The following PINK1 variants were observed in gnomAD, a reference collection of about 807,000 sequenced individuals.
The protein encoded by PINK1 is PTEN induced kinase 1.
In PINK1, 58 loss-of-function variants were observed where a neutral mutation model predicts 56.0. The ratio of observed to expected loss-of-function variants is 1.04; its 90% CI spans 0.84 to 1.29. The LOEUF is 1.29. Among genes scored for constraint, PINK1 ranks in the 50% most tolerant of loss-of-function variants. The pLI, the probability that PINK1 is intolerant of heterozygous loss-of-function variation, is 0.00. For synonymous variants in PINK1, 354 were observed against 339.3 expected, an observed-to-expected ratio of 1.04 and a Z score of -0.48; for missense variants, 745 against 777.9, an observed-to-expected ratio of 0.96 and a Z score of 0.50.
chr1:20,638,795 A>G (rs2053083653), intron 2 of PINK1: 1 of 154,256 alleles, frequency 6.5e-6, no homozygotes, highest in Non-Finnish European at 1.4e-5. Context: ...TGCCTAAACC[A>G]CTGATTTCTA....
chr1:20,650,260 C>T (rs1465806179), intron 7 of PINK1, 174 bp from the exon 8 acceptor site: 1 of 814,774 alleles, frequency 1.2e-6, no homozygotes, highest in Non-Finnish European at 2.0e-6. Context: ...AAGCTTGGAG[C>T]ACGGGCAGGG....
At chr1:20,644,875 A>G (rs904329400) in intron 4 of PINK1, among the ~76,000 whole-genome samples, 1 of 152,202 alleles carries the variant, frequency 6.6e-6, no homozygotes, top group African/African-American at 2.4e-5. Flanking sequence ...ACAAACTCTC[A>G]TCTTCATCCA....
intron 6 of PINK1, 117 bp downstream of exon 6, chr1:20,648,749 T>A: frequency 6.6e-7 from 1 of 1,520,270 alleles, no homozygotes; most frequent in African/African-American, 1.4e-5. Context: ...ACCCATAATT[T>A]GGCACAAGTT....
chr1:20,640,067 A>C (rs745945148), intron 3 of PINK1, 75 bp downstream of exon 3: 1 of 1,209,526 alleles, frequency 8.3e-7, no homozygotes, highest in Non-Finnish European at 1.2e-6. Context: ...TGTCCTCAGC[A>C]CCTGGTACAG....
intron 3 of PINK1, 64 bp from the exon 4 acceptor site, chr1:20,644,421 CTTAGG>C: frequency 1.3e-6 from 2 of 1,509,804 alleles, no homozygotes; most frequent in South Asian, 1.1e-5. Flanking sequence ...TTGGTGTGGC[CTTAGG>C]TTATTCTTTC....
At chr1:20,649,724 C>T (rs2053240757) in intron 7 of PINK1, 1 of 159,716 alleles carries the variant, frequency 6.3e-6, no homozygotes, top group Non-Finnish European at 1.3e-5. Context: ...AAGATCGCGC[C>T]ACTGCACTCT....
At position 20,648,998 on chromosome 1, in the gene PINK1, T is replaced by C. The variant is rs1553146849; in HGVS notation, c.1255T>C (p.Ser419Pro). Reference protein sequence around the residue: ...GNGCLMAPEVSTARPGPRAVI... With the variant: ...GNGCLMAPEVPTARPGPRAVI... ...CTCACCCACTGCTTCTGAGCAGGTG[T>C]CCACGGCCCGTCCTGGCCCCAGGGC... The change falls in exon 7 of 8, where the codon TCC becomes CCC. Residue 419 changes from serine to proline, a missense_variant. Transcript: ENST00000321556. 1 of 1,612,978 alleles carries C rather than the reference T, an allele frequency of 6.2e-7. No homozygotes were observed. The highest frequency in any genetic ancestry group is 1.1e-5 in the South Asian group (1 of 91,022).
rs1262478369 is a variant in PINK1, at chr1:20,633,519, G to C, written c.-30G>C. 19 of 1,131,272 alleles carry C rather than the reference G, an allele frequency of 1.7e-5. No individual in the cohort carries two copies. The highest frequency in any genetic ancestry group is 2.1e-5 in the Non-Finnish European group (19 of 924,374). 70.1% of individuals were successfully genotyped at this position (1,131,272 alleles called of 1,614,324 possible). ...GACGCCGGTGGTGGCGGCAGCGGCG[G>C]CTGCGGGGGCACCGGGCCGCGGCGC... On this transcript the variant is annotated 5_prime_UTR_variant, in exon 1 of 8. Coordinates refer to ENST00000321556, the MANE Select transcript of PINK1 (RefSeq NM_032409.3).
Position 20,649,114 on chromosome 1 carries a change from C to T in PINK1, c.1371C>T (p.Gly457=). 2 of 1,614,254 alleles carry T rather than the reference C, an allele frequency of 1.2e-6. No homozygotes were observed. The highest frequency in any genetic ancestry group is 8.5e-7 in the Non-Finnish European group (1 of 1,180,036). Residue 457 remains glycine (G), a synonymous_variant, in exon 7 of 8, where the codon GGC becomes GGT. Transcript: ENST00000321556. ...TTGTCAATCCCTTCTACGGCCAGGGCAAGGCCCACCTTGAAAGCCGCAGCT... is the reference window on the plus strand; with the variant it reads ...TTGTCAATCCCTTCTACGGCCAGGGTAAGGCCCACCTTGAAAGCCGCAGCT... ...FGLVNPFYGQ[G]KAHLESRSYQ...
intron 7 of PINK1, chr1:20,650,041 C>A (rs1420437528): frequency 1.5e-5 from 5 of 328,900 alleles, no homozygotes; most frequent in Non-Finnish European, 3.0e-5. Context: ...TCTGCCACTC[C>A]GTTAACTGCT....
intron 7 of PINK1, chr1:20,650,139 C>T (rs1428061555): frequency 4.2e-6 from 2 of 477,886 alleles, no homozygotes; most frequent in South Asian, 2.1e-5. Context: ...AGACTACTTA[C>T]CTGGTTCAAG....
In PINK1 at chr1:20,648,874, C is replaced by T. The variant is rs546485339; in HGVS notation, c.1252-121C>T. Reference sequence around the variant, plus strand: ...CCCCTTCTGGGTCTGAGCCACAGCTCACTCAAGCTCTGGGTTCCTTGGGAC... The same window carrying T: ...CCCCTTCTGGGTCTGAGCCACAGCTTACTCAAGCTCTGGGTTCCTTGGGAC... On this transcript the variant is annotated intron_variant, in intron 6 of 7. Transcript: ENST00000321556. 7 of 1,291,882 alleles carry T rather than the reference C, an allele frequency of 5.4e-6. No individual in the cohort carries two copies. In the African/African-American group the frequency reaches 7.3e-5, roughly 13 times the overall value. The allele number at this position is 1,291,882 out of a possible 1,614,324, so 80.0% of individuals were successfully genotyped here.
rs2298296 is a variant in PINK1 at position 20,637,749 on chromosome 1, C to T, written c.388-93C>T. The stretch of plus-strand genomic sequence containing the variant: ...TTATTGATCTGGTCGACGTGGACCA[C>T]GCCTTGCTGCACCTCTCTCTGCCTC... On this transcript the variant is annotated intron_variant, in intron 1 of 7. Transcript: ENST00000321556. The T allele has an allele frequency of 7.4e-3, 10,767 of 1,445,936 alleles. 273 individuals are homozygous for T. Among genetic ancestry groups the T allele is most frequent in the African/African-American group, 0.05 (3,573 of 71,654 alleles). 89.6% of individuals were successfully genotyped at this position (1,445,936 alleles called of 1,614,324 possible).
At position 20,650,517 on chromosome 1, in the gene PINK1, A is replaced by G. The variant is rs1570409308; in HGVS notation, c.1572A>G (p.Leu524=). 1.2e-5 allele frequency: 20 copies of G among 1,614,098 alleles called. No homozygotes were observed. Among genetic ancestry groups the G allele is most frequent in the Non-Finnish European group, 1.7e-5 (20 of 1,180,050 alleles). Residue 524 remains leucine (L), a synonymous_variant, in exon 8 of 8, where the codon TTA becomes TTG. Coordinates refer to ENST00000321556, the MANE Select transcript of PINK1 (RefSeq NM_032409.3). ...TTCTAGCCCTGAAGAATCTGAAGTT[A>G]GACAAGATGGTTGGCTGGCTCCTCC... ...EHILALKNLK[L]DKMVGWLLQQ...
Position 20,650,424 on chromosome 1 carries a change from C to G in PINK1, c.1489-10C>G, listed in dbSNP as rs753034026. On this transcript the variant is annotated splice_polypyrimidine_tract_variant and intron_variant, in intron 7 of 7. Coordinates refer to ENST00000321556, the MANE Select transcript of PINK1 (RefSeq NM_032409.3). The stretch of plus-strand genomic sequence containing the variant: ...AGATGTTCTAGCTACAGCTTCCCTT[C>G]CTGTTGCAGAGACCATCTGCCCGAG... 6 of 1,613,656 alleles carry G rather than the reference C, an allele frequency of 3.7e-6. No homozygotes were observed. The highest frequency in any genetic ancestry group is 5.1e-6 in the Non-Finnish European group (6 of 1,179,872).
Position 20,650,456 on chromosome 1 carries a change from C to T in PINK1, c.1511C>T (p.Ala504Val), listed in dbSNP as rs560377198. 3.8e-5 allele frequency: 61 copies of T among 1,614,022 alleles called. 1 individual carries two copies. In the South Asian group the frequency reaches 6.5e-4, roughly 17 times the overall value. The part of the protein sequence containing the change: ...ASKRPSARVA[A>V]NVLHLSLWGE... ...CAGAGACCATCTGCCCGAGTAGCCG[C>T]AAATGTGCTTCATCTAAGCCTCTGG... The change falls in exon 8 of 8, where the codon GCA becomes GTA. Residue 504 changes from alanine to valine, a missense_variant. Transcript: ENST00000321556.
chr1:20,650,191 C>T (rs2154534051), intron 7 of PINK1: 2 of 578,866 alleles, frequency 3.5e-6, no homozygotes, highest in Admixed American at 2.9e-5. Flanking sequence ...GCTTTCCACC[C>T]AGGGGGAAAG....
chr1:20,637,038 A>G (rs1436375111), intron 1 of PINK1, among the ~76,000 whole-genome samples: 2 of 152,196 alleles, frequency 1.3e-5, no homozygotes, highest in African/African-American at 2.4e-5. Context: ...AGAGTGGGGT[A>G]GTCTAGAGAT....
chr1:20,633,766 C>CG lies in PINK1; in HGVS notation c.220dup (p.Val74GlyfsTer68). ...AACCGTCTCCGCTTCTTCCGCCAGT[C>CG]GGTGGCCGGGCTGGCGGCGCGGTTG... On this transcript the variant is annotated frameshift_variant, in exon 1 of 8. Transcript: ENST00000321556. LOFTEE classifies it high-confidence loss of function. The CG allele has an allele frequency of 6.4e-7, 1 of 1,559,062 alleles. No individual in the cohort carries two copies. Among genetic ancestry groups the CG allele is most frequent in the African/African-American group, 1.3e-5 (1 of 74,120 alleles).
Sources: allele counts gnomAD v4.1 joint callset (sites outside exome capture counted in the v4.1 genomes callset), GRCh38; gene constraint gnomAD v4.1.1; transcripts MANE v1.5; gene names NCBI Gene and HGNC (gene_info 2026-07-23, HGNC 2026-07-21).